Variants in JAKMIP2 observed in about 807,000 individuals in gnomAD.
JAKMIP2 encodes janus kinase and microtubule interacting protein 2.
In JAKMIP2, 25 loss-of-function variants were observed where a neutral mutation model predicts 115.0. The ratio of observed to expected loss-of-function variants is 0.22; its 90% CI spans 0.16 to 0.30. The LOEUF (loss-of-function observed/expected upper bound fraction) is 0.30. Among genes scored for constraint, JAKMIP2 ranks in the 10% least tolerant of loss-of-function variants. The pLI, the probability that JAKMIP2 is intolerant of heterozygous loss-of-function variation, is 1.00. For missense variants in JAKMIP2, 642 were observed against 957.6 expected (o/e 0.67, Z 4.35); for synonymous variants, 334 against 343.6 (o/e 0.97, Z 0.31).
intron 1 of JAKMIP2, among the ~76,000 whole-genome samples, chr5:147,743,873 AT>A (rs1276021048): frequency 6.6e-6 from 1 of 152,002 alleles, no homozygotes; most frequent in African/African-American, 2.4e-5. Context: ...GGAGGCTGGC[AT>A]TTTTCCAAGG....
intron 1 of JAKMIP2, among the ~76,000 whole-genome samples, chr5:147,745,056 CAAAAAAA>C (rs60275664): frequency 2.3e-5 from 2 of 88,408 alleles, no homozygotes; most frequent in African/African-American, 7.5e-5. Flanking sequence ...GACTCTGTCT[CAAAAAAA>C]AAAAAAAAAA....
At chr5:147,595,664 C>T (rs1755345355) in intron 21 of JAKMIP2, 1 of 336,138 alleles carries the variant, frequency 3.0e-6, no homozygotes. Flanking sequence ...GTAAGTATTA[C>T]ATAAAATAAT....
At chr5:147,702,598 A>G (rs1452622533) in intron 1 of JAKMIP2, among the ~76,000 whole-genome samples, 1 of 121,912 alleles carries the variant, frequency 8.2e-6, no homozygotes, top group African/African-American at 3.4e-5. Context: ...GAAAGAAAGA[A>G]AGAAGGAAAG....
At chr5:147,649,265 T>C (rs911019272) in intron 4 of JAKMIP2, among the ~76,000 whole-genome samples, 5 of 152,202 alleles carry the variant, frequency 3.3e-5, no homozygotes, top group African/African-American at 1.2e-4. Context: ...GTAGAACAGG[T>C]AAAATTCAGA....
chr5:147,675,509 TAA>T (rs1372720080), intron 1 of JAKMIP2, among the ~76,000 whole-genome samples: 5 of 152,108 alleles, frequency 3.3e-5, no homozygotes, highest in East Asian at 1.9e-4. Context: ...CTTTGAGATA[TAA>T]GTCACATACC....
At chr5:147,765,030 G>A (rs1471849629) in intron 1 of JAKMIP2, among the ~76,000 whole-genome samples, 1 of 115,644 alleles carries the variant, frequency 8.6e-6, no homozygotes, top group Non-Finnish European at 1.8e-5. Flanking sequence ...CAGAGAGAGA[G>A]AGAAAGAAAG....
chr5:147,702,587 A>AGAAG (rs1561547266), intron 1 of JAKMIP2, among the ~76,000 whole-genome samples: 6 of 126,078 alleles, frequency 4.8e-5, no homozygotes, highest in East Asian at 2.4e-4. Context: ...AAGGAAAGAA[A>AGAAG]GAAAGAAAGA....
At chr5:147,684,651 C>T (rs893934097) in intron 1 of JAKMIP2, among the ~76,000 whole-genome samples, 3 of 152,094 alleles carry the variant, frequency 2.0e-5, no homozygotes, top group African/African-American at 7.2e-5. Context: ...TGGAGGCAAA[C>T]TATGTATGTC....
chr5:147,773,344 C>T (rs968763847), intron 1 of JAKMIP2, among the ~76,000 whole-genome samples: 8 of 152,102 alleles, frequency 5.3e-5, no homozygotes, highest in Non-Finnish European at 1.2e-4. Context: ...GATGGCACCA[C>T]GTGAACTGAG....
chr5:147,688,722 A>G (rs1760692042), intron 1 of JAKMIP2, among the ~76,000 whole-genome samples: 1 of 152,172 alleles, frequency 6.6e-6, no homozygotes, highest in Non-Finnish European at 1.5e-5. Context: ...TGGTGGCAAA[A>G]GATACATGGA....
chr5:147,664,233 A>G (rs1759182244), intron 2 of JAKMIP2, among the ~76,000 whole-genome samples: 1 of 152,178 alleles, frequency 6.6e-6, no homozygotes, highest in Admixed American at 6.5e-5. Context: ...TGGTGAACCT[A>G]GCTTTTCCCA....
rs1754915163 is a variant in JAKMIP2, at chr5:147,587,379, G to A, written c.*4328C>T. 1 of 151,656 alleles carries A rather than the reference G, an allele frequency of 6.6e-6. No homozygotes were observed. The highest frequency in any genetic ancestry group is 1.5e-5 in the Non-Finnish European group (1 of 67,928). 9.4% of individuals were successfully genotyped at this position (151,656 alleles called of 1,614,324 possible). A position where few individuals can be genotyped will look rare whatever the true frequency, so the allele number is the denominator to read the frequency against. On this transcript the variant is annotated 3_prime_UTR_variant, in exon 22 of 22. Coordinates refer to ENST00000616793, the MANE Select transcript of JAKMIP2 (RefSeq NM_001270941.2). Reference sequence around the variant, plus strand: ...AATTTCACAAAAGGCAACAAGCAATGCAACTCCCAAATTACAGAGCAAATT... The same window carrying A: ...AATTTCACAAAAGGCAACAAGCAATACAACTCCCAAATTACAGAGCAAATT...
intron 1 of JAKMIP2, among the ~76,000 whole-genome samples, chr5:147,703,290 G>C (rs1338244268): frequency 6.6e-6 from 1 of 152,112 alleles, no homozygotes; most frequent in African/African-American, 2.4e-5. Flanking sequence ...GGTACAGCAT[G>C]CAACTGTACT....
chr5:147,718,306 C>A (rs1288808720), intron 1 of JAKMIP2, among the ~76,000 whole-genome samples: 3 of 149,490 alleles, frequency 2.0e-5, no homozygotes, highest in Admixed American at 2.0e-4. Context: ...GTCTAAAATT[C>A]TCTTTTTTGG....
At chr5:147,738,351 C>T (rs923786266) in intron 1 of JAKMIP2, among the ~76,000 whole-genome samples, 1 of 152,134 alleles carries the variant, frequency 6.6e-6, no homozygotes, top group African/African-American at 2.4e-5. Flanking sequence ...TATCTTCATC[C>T]GCTGTTCAAC....
At chr5:147,630,274 C>T (rs1233048017) in intron 14 of JAKMIP2, among the ~76,000 whole-genome samples, 2 of 152,120 alleles carry the variant, frequency 1.3e-5, no homozygotes, top group Non-Finnish European at 2.9e-5. Context: ...TTAATTTCAT[C>T]TATCTTATTT....
chr5:147,685,448 A>G (rs1163560146), intron 1 of JAKMIP2, among the ~76,000 whole-genome samples: 1 of 152,226 alleles, frequency 6.6e-6, no homozygotes, highest in Non-Finnish European at 1.5e-5. Flanking sequence ...AGGAAAAAGA[A>G]GCTCAAAGAA....
At chr5:147,688,393 A>T (rs1760672843) in intron 1 of JAKMIP2, among the ~76,000 whole-genome samples, 1 of 152,196 alleles carries the variant, frequency 6.6e-6, no homozygotes, top group African/African-American at 2.4e-5. Context: ...CAACATAGCT[A>T]TTGCATTGTA....
chr5:147,617,808 T>A, intron 19 of JAKMIP2, 103 bp downstream of exon 19: 1 of 802,368 alleles, frequency 1.2e-6, no homozygotes, highest in South Asian at 1.6e-5. Flanking sequence ...AAATAACTTG[T>A]ATCTCCTGGG....
Sources: allele counts gnomAD v4.1 joint callset (sites outside exome capture counted in the v4.1 genomes callset), GRCh38; gene constraint gnomAD v4.1.1; transcripts MANE v1.5; gene names NCBI Gene and HGNC (gene_info 2026-07-23, HGNC 2026-07-21).